The following CLEC16A variants were observed in gnomAD, a reference collection of about 807,000 sequenced individuals.
CLEC16A encodes the protein C-type lectin domain containing 16A, also known as protein CLEC16A.
CLEC16A carries 51 observed loss-of-function variants against 109.5 expected under a neutral mutation model. The observed-to-expected ratio is 0.47, with a 90% CI of 0.37 to 0.59. The LOEUF is 0.59. Among genes scored for constraint, CLEC16A ranks in the 20% least tolerant of loss-of-function variants. The pLI is 0.00. For missense variants in CLEC16A, 1,339 were observed against 1,394.0 expected, an observed-to-expected ratio of 0.96 and a Z score of 0.63; for synonymous variants, 673 against 564.2, an observed-to-expected ratio of 1.19 and a Z score of -2.73.
intron 13 of CLEC16A, among the ~76,000 whole-genome samples, chr16:11,030,442 C>G (rs1365366355): frequency 1.3e-5 from 2 of 152,170 alleles, no homozygotes; most frequent in Non-Finnish European, 2.9e-5. Flanking sequence ...GGTGTGGCCA[C>G]CTTTTTAGTT....
At chr16:11,088,464 T>C (rs992266803) in intron 19 of CLEC16A, among the ~76,000 whole-genome samples, 4 of 152,190 alleles carry the variant, frequency 2.6e-5, no homozygotes, top group Non-Finnish European at 4.4e-5. Flanking sequence ...TCGTTGGGGA[T>C]GGGCCCAGAA....
chr16:11,026,739 G>A (rs1480177968), intron 13 of CLEC16A, among the ~76,000 whole-genome samples: 3 of 150,492 alleles, frequency 2.0e-5, no homozygotes, highest in African/African-American at 7.3e-5. Context: ...ATTGTGGGAA[G>A]CACTTTATTG....
chr16:11,157,171 T>C, intron 22 of CLEC16A: 1 of 1,266,958 alleles, frequency 7.9e-7, no homozygotes, highest in South Asian at 1.3e-5. Flanking sequence ...TATTTTTGTA[T>C]GTTGGACATG....
chr16:11,156,503 G>C (rs2054526608), intron 22 of CLEC16A: 1 of 890,102 alleles, frequency 1.1e-6, no homozygotes, highest in Non-Finnish European at 1.6e-6. Flanking sequence ...TCCAGCTGGG[G>C]TCAGTGAGCG....
chr16:11,067,326 C>T (rs1019415487), intron 19 of CLEC16A, among the ~76,000 whole-genome samples: 2 of 148,326 alleles, frequency 1.3e-5, no homozygotes, highest in African/African-American at 5.0e-5. Context: ...AGATGACCAC[C>T]GTGTTTCCTG....
intron 19 of CLEC16A, among the ~76,000 whole-genome samples, chr16:11,068,982 T>G (rs62029608): frequency 1.4e-5 from 2 of 146,376 alleles, no homozygotes; most frequent in East Asian, 4.0e-4. Context: ...GCCTGGCTAA[T>G]TTTCTTTTTT....
Position 11,178,234 on chromosome 16 carries a change from C to G in CLEC16A, c.2807-101C>G. ...CTCACGCCAGCCAGCCACCTCCCAC[C>G]TAGCTCACCAGGGCCGCGGTTCAGG... On this transcript the variant is annotated intron_variant, in intron 23 of 23. Coordinates refer to ENST00000409790, the MANE Select transcript of CLEC16A (RefSeq NM_015226.3). The surrounding 1 kb of genome is among the most constrained non-coding windows in gnomAD (Gnocchi z 6.5). 1 of 1,067,522 alleles carries G rather than the reference C, an allele frequency of 9.4e-7. No homozygotes were observed. The highest frequency in any genetic ancestry group is 1.5e-5 in the South Asian group (1 of 67,498). 66.1% of individuals were successfully genotyped at this position (1,067,522 alleles called of 1,614,324 possible). A position where few individuals can be genotyped will look rare whatever the true frequency, so the allele number is the denominator to read the frequency against.
intron 12 of CLEC16A, among the ~76,000 whole-genome samples, chr16:11,020,551 C>T (rs943529644): frequency 2.7e-5 from 3 of 111,086 alleles, no homozygotes; most frequent in African/African-American, 9.8e-5. Flanking sequence ...GCCAGGATAG[C>T]GCAACTCTCT....
chr16:11,030,873 G>A (rs1419664929), intron 13 of CLEC16A, among the ~76,000 whole-genome samples: 4 of 152,158 alleles, frequency 2.6e-5, no homozygotes, highest in African/African-American at 7.2e-5. Flanking sequence ...TCGAACTCCT[G>A]ACCTCAAGTG....
rs893091956 is a variant in CLEC16A, at chr16:11,174,050, C to T, written c.2807-4285C>T. The T allele has an allele frequency of 2.5e-6, 1 of 395,386 alleles. No homozygotes were observed. The highest frequency in any genetic ancestry group is 2.1e-5 in the African/African-American group (1 of 48,754). 24.5% of individuals were successfully genotyped at this position (395,386 alleles called of 1,614,324 possible). A position where few individuals can be genotyped will look rare whatever the true frequency, so the allele number is the denominator to read the frequency against. ...GCACTGCCCCACGACCCTCGCCCCTCGTCAGTGCTCAGCGTCCGCTGCTGC... is the reference window on the plus strand; with the variant it reads ...GCACTGCCCCACGACCCTCGCCCCTTGTCAGTGCTCAGCGTCCGCTGCTGC... On this transcript the variant is annotated intron_variant, in intron 23 of 23. Transcript: ENST00000409790. This position sits in a 1 kb window ranked among gnomAD's most constrained non-coding sequence, Gnocchi z 4.7.
At chr16:11,167,471 G>A (rs191271518) in intron 23 of CLEC16A, among the ~76,000 whole-genome samples, 3 of 152,298 alleles carry the variant, frequency 2.0e-5, no homozygotes, top group South Asian at 4.1e-4. Context: ...GATCATGGCA[G>A]GAGGACACGG....
intron 10 of CLEC16A, among the ~76,000 whole-genome samples, chr16:10,986,180 G>T (rs1264736436): frequency 6.6e-6 from 1 of 151,574 alleles, no homozygotes; most frequent in African/African-American, 2.4e-5. Flanking sequence ...ACAGGCGCCT[G>T]CCCCCACACC....
At chr16:10,973,804 C>G (rs940669980) in intron 7 of CLEC16A, among the ~76,000 whole-genome samples, 2 of 148,056 alleles carry the variant, frequency 1.4e-5, no homozygotes, top group Admixed American at 6.8e-5. Flanking sequence ...TTCCTGGGCT[C>G]AAGCAATCCT....
Position 11,033,042 on chromosome 16 carries a change from C to G in CLEC16A, c.1538-6712C>G, listed in dbSNP as rs149437104. Among the ~76,000 whole-genome samples the G allele has an allele frequency of 6.2e-4, 94 of 151,924 alleles. 1 individual carries two copies. The highest frequency in any genetic ancestry group is 3.4e-3 in the Middle Eastern group (1 of 294). On this transcript the variant is annotated intron_variant, in intron 13 of 23. Coordinates refer to ENST00000409790, the MANE Select transcript of CLEC16A (RefSeq NM_015226.3). ...CGAGAGACTTGCTAAGAAGCTGTTG[C>G]AGTCATCCAGGCGAGATAATGTGGA...
chr16:10,949,179 C>G (rs560386145), intron 1 of CLEC16A, among the ~76,000 whole-genome samples: 13 of 152,318 alleles, frequency 8.5e-5, no homozygotes, highest in Admixed American at 5.2e-4. Context: ...CACACCTACT[C>G]TTGGTGCTTT....
At chr16:11,090,721 T>C (rs2050254713) in intron 19 of CLEC16A, among the ~76,000 whole-genome samples, 1 of 151,878 alleles carries the variant, frequency 6.6e-6, no homozygotes, top group Non-Finnish European at 1.5e-5. Context: ...CTTGGCTCAC[T>C]GCAACCTCTC....
chr16:11,160,538 A>G (rs1019558411), intron 22 of CLEC16A, among the ~76,000 whole-genome samples: 1 of 151,772 alleles, frequency 6.6e-6, no homozygotes, highest in African/African-American at 2.4e-5. Flanking sequence ...TCAGCCCACC[A>G]CACCTAGATT....
intron 19 of CLEC16A, among the ~76,000 whole-genome samples, chr16:11,102,995 G>A (rs1326533711): frequency 6.6e-6 from 1 of 152,222 alleles, no homozygotes; most frequent in Non-Finnish European, 1.5e-5. Context: ...TCCTCACTGT[G>A]CCTTCACCAC....
rs1383373804 is a variant in CLEC16A at position 11,178,006 on chromosome 16, C to T, written c.2807-329C>T. Among the ~76,000 whole-genome samples the T allele has an allele frequency of 1.3e-5, 2 of 152,220 alleles. No individual in the cohort carries two copies. Among genetic ancestry groups the T allele is most frequent in the Non-Finnish European group, 2.9e-5 (2 of 68,046 alleles). Reference sequence around the variant, plus strand: ...CAGGCAGGCCTGAGATTTGCCCACACATAAAGCCTGTCAGCTGGGTCTCTG... The same window carrying T: ...CAGGCAGGCCTGAGATTTGCCCACATATAAAGCCTGTCAGCTGGGTCTCTG... On this transcript the variant is annotated intron_variant, in intron 23 of 23. Transcript: ENST00000409790. The surrounding 1 kb of genome is among the most constrained non-coding windows in gnomAD (Gnocchi z 6.5).
Sources: allele counts gnomAD v4.1 joint callset (sites outside exome capture counted in the v4.1 genomes callset), GRCh38; gene constraint gnomAD v4.1.1; non-coding constraint Gnocchi (gnomAD v3.1); transcripts MANE v1.5; gene names NCBI Gene and HGNC (gene_info 2026-07-23, HGNC 2026-07-21).